KCTD9: variants seen among roughly 807,000 people sequenced by gnomAD.
The protein encoded by KCTD9 is potassium channel tetramerization domain containing 9, also known as BTB/POZ domain-containing protein KCTD9.
KCTD9 carries 17 observed loss-of-function variants against 53.3 expected under a neutral mutation model. That is an observed-to-expected ratio of 0.32 (90% confidence interval 0.22 to 0.48). KCTD9 has a LOEUF of 0.48. KCTD9 is among the 20% of genes least tolerant of loss of function. The probability of loss-of-function intolerance (pLI) is 0.99; values close to 1 mark genes in which losing one functional copy is unlikely to be tolerated. For missense variants in KCTD9, 179 were observed against 465.5 expected, an observed-to-expected ratio of 0.38 and a Z score of 5.66; for synonymous variants, 128 against 162.7, an observed-to-expected ratio of 0.79 and a Z score of 1.62.
intron 6 of KCTD9, 140 bp downstream of exon 6, chr8:25,439,139 C>A (rs1337238794): frequency 3.0e-6 from 2 of 660,814 alleles, no homozygotes; most frequent in Non-Finnish European, 4.7e-6. Flanking sequence ...CATGTGAAAA[C>A]ATCTAGTTTA....
chr8:25,429,848 C>T lies in KCTD9; in HGVS notation c.*9G>A. 3.0e-6 allele frequency: 4 copies of T among 1,341,978 alleles called. No individual in the cohort carries two copies. Among genetic ancestry groups the T allele is most frequent in the Non-Finnish European group, 4.3e-6 (4 of 932,752 alleles). The allele number at this position is 1,341,978 out of a possible 1,614,324, so 83.1% of individuals were successfully genotyped here. ...CATCTTTTACATCTTCCTCCAGCCC[C>T]TAAAATTCTCATCTGACACTTTGTG... On this transcript the variant is annotated 3_prime_UTR_variant, in exon 12 of 12. Coordinates refer to ENST00000221200, the MANE Select transcript of KCTD9 (RefSeq NM_017634.4).
At chr8:25,438,694 T>A (rs1802064538) in intron 6 of KCTD9, among the ~76,000 whole-genome samples, 1 of 152,264 alleles carries the variant, frequency 6.6e-6, no homozygotes, top group Non-Finnish European at 1.5e-5. Flanking sequence ...TATAAGGGCT[T>A]TGTCTACATC....
At chr8:25,430,698 GCCC>G (rs1801910583) in intron 11 of KCTD9, among the ~76,000 whole-genome samples, 1 of 151,866 alleles carries the variant, frequency 6.6e-6, no homozygotes, top group Non-Finnish European at 1.5e-5. Flanking sequence ...CCCAAAACCA[GCCC>G]CCGACTCTGA....
chr8:25,433,507 A>T, intron 9 of KCTD9, 72 bp from the exon 10 acceptor site: 1 of 674,506 alleles, frequency 1.5e-6, no homozygotes, highest in Non-Finnish European at 2.4e-6. Context: ...ACAGTAAAAG[A>T]AAAAAAATAG....
chr8:25,434,792 T>C (rs994385210), intron 9 of KCTD9, among the ~76,000 whole-genome samples: 1 of 152,204 alleles, frequency 6.6e-6, no homozygotes, highest in African/African-American at 2.4e-5. Context: ...TAAAAATTAA[T>C]AGATTTCATT....
intron 1 of KCTD9, 60 bp downstream of exon 1, chr8:25,458,139 C>A: frequency 6.8e-7 from 1 of 1,476,912 alleles, no homozygotes; most frequent in Admixed American, 1.9e-5. Flanking sequence ...CCAGCCGGTT[C>A]CGCACCGTCC....
chr8:25,438,907 G>T (rs1802068290), intron 6 of KCTD9, among the ~76,000 whole-genome samples: 1 of 152,152 alleles, frequency 6.6e-6, no homozygotes, highest in South Asian at 2.1e-4. Context: ...CACATAATGT[G>T]GGGAATATCC....
chr8:25,458,387 A>ACCACACGCACGCACTCTGTC lies in KCTD9; in HGVS notation c.-161_-142dup. On this transcript the variant is annotated 5_prime_UTR_variant, in exon 1 of 12. Transcript: ENST00000221200. ...GCCACCTTCCTGCCCTTGGGGACACACCACACGCACGCACTCTGTCCCACA... is the reference window on the plus strand; with the variant it reads ...GCCACCTTCCTGCCCTTGGGGACACACCACACGCACGCACTCTGTCCCACACGCACGCACTCTGTCCCACA... 1 of 887,874 alleles carries ACCACACGCACGCACTCTGTC rather than the reference A, an allele frequency of 1.1e-6. No individual in the cohort carries two copies. Among genetic ancestry groups the ACCACACGCACGCACTCTGTC allele is most frequent in the Non-Finnish European group, 1.8e-6 (1 of 558,452 alleles). 55.0% of individuals were successfully genotyped at this position (887,874 alleles called of 1,614,324 possible).
intron 6 of KCTD9, among the ~76,000 whole-genome samples, chr8:25,438,391 T>C (rs1272437566): frequency 1.3e-5 from 2 of 152,154 alleles, no homozygotes; most frequent in Non-Finnish European, 2.9e-5. Flanking sequence ...GTGTTTTGTA[T>C]TTCACTACAG....
Position 25,435,527 on chromosome 8 carries a change from C to T in KCTD9, c.664-15G>A. On this transcript the variant is annotated splice_polypyrimidine_tract_variant and intron_variant, in intron 8 of 11. Coordinates refer to ENST00000221200, the MANE Select transcript of KCTD9 (RefSeq NM_017634.4). The stretch of plus-strand genomic sequence containing the variant: ...AAGTTCAAACCCTGAAATAAAAAAG[C>T]ACAAATTGTCACCATAACTAAATCG... 1.3e-6 allele frequency: 2 copies of T among 1,578,998 alleles called. No homozygotes were observed. Among genetic ancestry groups the T allele is most frequent in the East Asian group, 2.3e-5 (1 of 43,070 alleles).
chr8:25,436,156 C>G (rs868162051), intron 8 of KCTD9, 79 bp downstream of exon 8: 1 of 905,848 alleles, frequency 1.1e-6, no homozygotes, highest in Non-Finnish European at 1.8e-6. Context: ...GCAAGATAAT[C>G]CCAAAACACT....
rs75499878 is a variant in KCTD9 at position 25,456,547 on chromosome 8, A to G, written c.48+1652T>C. ...TGCTTCTTTTTATCTAGTACTCTCC[A>G]GTTTGGATTTTTACGTTGTAACATA... On this transcript the variant is annotated intron_variant, in intron 1 of 11. Transcript: ENST00000221200. 6.4e-3 allele frequency among the ~76,000 whole-genome samples: 974 copies of G among 152,316 alleles called. 7 individuals are homozygous for G. Among genetic ancestry groups the G allele is most frequent in the Middle Eastern group, 0.01 (3 of 294 alleles).
Position 25,439,598 on chromosome 8 carries a change from AC to A in KCTD9, c.370+7del. 1.2e-6 allele frequency: 2 copies of A among 1,613,966 alleles called. No individual in the cohort carries two copies. Among genetic ancestry groups the A allele is most frequent in the Non-Finnish European group, 1.7e-6 (2 of 1,179,804 alleles). Reference sequence around the variant, plus strand: ...AGATGAAATGTGAAAACAACGTGTTACACTCACCTTTGTCCTTAAACATGTG... The same window carrying A: ...AGATGAAATGTGAAAACAACGTGTTAACTCACCTTTGTCCTTAAACATGTG... On this transcript the variant is annotated splice_region_variant and intron_variant, in intron 5 of 11. Coordinates refer to ENST00000221200, the MANE Select transcript of KCTD9 (RefSeq NM_017634.4).
rs571851879 is a variant in KCTD9, at chr8:25,444,417, T to C, written c.171-82A>G. ...TCTGTTGCTTATAGGAACTATTCCT[T>C]ACAATTATATAGACAATAGGTTTTG... On this transcript the variant is annotated intron_variant, in intron 2 of 11. Transcript: ENST00000221200. The C allele has an allele frequency of 4.4e-5, 56 of 1,274,026 alleles. No homozygotes were observed. The African/African-American group carries it at 6.8e-4, about 15-fold the overall frequency. 78.9% of individuals were successfully genotyped at this position (1,274,026 alleles called of 1,614,324 possible).
At chr8:25,432,969 C>T (rs1259221505) in intron 10 of KCTD9, among the ~76,000 whole-genome samples, 4 of 152,134 alleles carry the variant, frequency 2.6e-5, no homozygotes, top group Non-Finnish European at 5.9e-5. Flanking sequence ...AGAAACAATA[C>T]ATTAAATCTA....
At chr8:25,438,087 T>A (rs551266426) in intron 6 of KCTD9, among the ~76,000 whole-genome samples, 2 of 152,042 alleles carry the variant, frequency 1.3e-5, no homozygotes, top group African/African-American at 4.8e-5. Flanking sequence ...AAATAAATGG[T>A]TGAGAAACAT....
chr8:25,444,966 T>C (rs559764270), intron 2 of KCTD9, among the ~76,000 whole-genome samples: 1 of 152,300 alleles, frequency 6.6e-6, no homozygotes, highest in Admixed American at 6.5e-5. Flanking sequence ...CCTTCCATTG[T>C]AGACGTTTTT....
At chr8:25,453,989 TAAC>T (rs1802381992) in intron 1 of KCTD9, among the ~76,000 whole-genome samples, 1 of 152,198 alleles carries the variant, frequency 6.6e-6, no homozygotes, top group South Asian at 2.1e-4. Flanking sequence ...TCTCCAACTC[TAAC>T]AACGTAATGG....
intron 6 of KCTD9, among the ~76,000 whole-genome samples, chr8:25,437,289 A>G (rs948642119): frequency 1.3e-5 from 2 of 152,190 alleles, no homozygotes; most frequent in African/African-American, 4.8e-5. Context: ...CAATTTGCCA[A>G]GGTCTAAGTA....
Sources: gnomAD v4.1 joint callset for allele counts (sites outside exome capture counted in the v4.1 genomes callset) on GRCh38, gnomAD v4.1.1 for gene constraint, MANE v1.5 for transcripts, NCBI Gene and HGNC (gene_info 2026-07-23, HGNC 2026-07-21) for gene names.